Variants in EPHA6 observed in about 807,000 individuals in gnomAD.
The protein encoded by EPHA6 is EPH receptor A6, also known as ephrin type-A receptor 6.
In EPHA6, 50 loss-of-function variants were observed where a neutral mutation model predicts 112.0. That is an observed-to-expected ratio of 0.45 (90% confidence interval 0.36 to 0.56). EPHA6 has a LOEUF of 0.56. Among genes scored for constraint, EPHA6 ranks in the 20% least tolerant of loss-of-function variants. EPHA6 has a pLI of 0.00. For missense variants in EPHA6, 1,280 were observed against 1,417.4 expected (o/e 0.90, Z 1.56); for synonymous variants, 529 against 490.7 (o/e 1.08, Z -1.03).
chr3:97,336,636 T>C (rs2083068028), intron 5 of EPHA6, among the ~76,000 whole-genome samples: 1 of 152,178 alleles, frequency 6.6e-6, no homozygotes, highest in Non-Finnish European at 1.5e-5. Flanking sequence ...AGTTTACTGT[T>C]ATTTCTTCTA....
At chr3:96,907,734 A>G (rs944099347) in intron 2 of EPHA6, among the ~76,000 whole-genome samples, 1 of 151,910 alleles carries the variant, frequency 6.6e-6, no homozygotes, top group Non-Finnish European at 1.5e-5. Flanking sequence ...AATCATATAT[A>G]TATTTTGTGT....
intron 3 of EPHA6, among the ~76,000 whole-genome samples, chr3:97,186,995 T>C (rs1190958834): frequency 1.6e-4 from 24 of 152,142 alleles, no homozygotes; most frequent in Admixed American, 1.5e-3. Context: ...CTTAAAAAAA[T>C]TGTTATAGCA....
chr3:97,286,223 C>T (rs967465010), intron 5 of EPHA6, among the ~76,000 whole-genome samples: 2 of 152,132 alleles, frequency 1.3e-5, no homozygotes, highest in African/African-American at 4.8e-5. Flanking sequence ...CTTTGCTGTG[C>T]AGAAGCTTTT....
chr3:97,261,025 G>A (rs1027987964), intron 5 of EPHA6, among the ~76,000 whole-genome samples: 4 of 152,204 alleles, frequency 2.6e-5, no homozygotes, highest in African/African-American at 9.6e-5. Flanking sequence ...TAGGCAGGAA[G>A]TTAATTACTA....
At chr3:97,155,430 T>G (rs2076266933) in intron 3 of EPHA6, among the ~76,000 whole-genome samples, 1 of 152,202 alleles carries the variant, frequency 6.6e-6, no homozygotes, top group South Asian at 2.1e-4. Context: ...TGACAAATAA[T>G]GAATATTGCT....
chr3:96,941,342 A>G (rs988528780), intron 2 of EPHA6, among the ~76,000 whole-genome samples: 14 of 151,950 alleles, frequency 9.2e-5, no homozygotes, highest in African/African-American at 3.4e-4. Context: ...GCTTCATTTC[A>G]TTCATTTCAT....
intron 2 of EPHA6, among the ~76,000 whole-genome samples, chr3:96,954,847 G>T (rs9827582): frequency 0.019 from 2,424 of 124,694 alleles, 62 homozygotes; most frequent in East Asian, 0.056. Context: ...ACTGCGGACT[G>T]CAGTGGCGCA....
intron 14 of EPHA6, among the ~76,000 whole-genome samples, chr3:97,666,725 C>T (rs2030159340): frequency 6.6e-6 from 1 of 152,100 alleles, no homozygotes; most frequent in African/African-American, 2.4e-5. Flanking sequence ...TATTTGGAGG[C>T]ACTAAGAGTT....
chr3:97,331,764 A>G (rs1195767532), intron 5 of EPHA6, among the ~76,000 whole-genome samples: 1 of 152,158 alleles, frequency 6.6e-6, no homozygotes. Flanking sequence ...TAGCTTACCA[A>G]CCAAAAAAAG....
chr3:97,071,408 A>G (rs1355137951), intron 3 of EPHA6, among the ~76,000 whole-genome samples: 3 of 151,992 alleles, frequency 2.0e-5, no homozygotes, highest in Non-Finnish European at 4.4e-5. Context: ...AAGACATACC[A>G]TAGACTGGGA....
chr3:97,070,119 T>C (rs982815218), intron 3 of EPHA6, among the ~76,000 whole-genome samples: 16 of 152,258 alleles, frequency 1.1e-4, no homozygotes, highest in African/African-American at 3.8e-4. Flanking sequence ...TTCTCCTATT[T>C]GACTACTCAG....
At position 97,218,594 on chromosome 3, in the gene EPHA6, A is replaced by G. The variant is rs922130260; in HGVS notation, c.1115-7670A>G. On this transcript the variant is annotated intron_variant, in intron 3 of 17. Transcript: ENST00000389672. ...TCAGGGAAACCACCCCCATGATTCA[A>G]TTACCTCCACCTGGTCTCTCCCTTG... 2.0e-5 allele frequency among the ~76,000 whole-genome samples: 3 copies of G among 152,188 alleles called. No homozygotes were observed. The East Asian group carries it at 5.8e-4, about 29-fold the overall frequency.
At chr3:97,621,526 G>A (rs1474011863) in intron 13 of EPHA6, among the ~76,000 whole-genome samples, 1 of 151,826 alleles carries the variant, frequency 6.6e-6, no homozygotes, top group African/African-American at 2.4e-5. Context: ...GAACATCTGG[G>A]TCTTGGTAGC....
At chr3:97,036,507 C>T (rs1702038844) in intron 3 of EPHA6, among the ~76,000 whole-genome samples, 1 of 151,904 alleles carries the variant, frequency 6.6e-6, no homozygotes, top group Admixed American at 6.6e-5. Flanking sequence ...AATTTTCTTA[C>T]CTAGCTTAAA....
At chr3:97,531,649 A>G (rs1448552611) in intron 10 of EPHA6, among the ~76,000 whole-genome samples, 1 of 152,094 alleles carries the variant, frequency 6.6e-6, no homozygotes, top group East Asian at 1.9e-4. Context: ...GATTATAAGC[A>G]CCTGAGAACA....
chr3:97,067,698 GAATGAGGAACAAGAAT>G (rs1350445586), intron 3 of EPHA6, among the ~76,000 whole-genome samples: 4 of 151,994 alleles, frequency 2.6e-5, no homozygotes, highest in Non-Finnish European at 5.9e-5. Context: ...CAGAGGGGTA[GAATGAGGAACAAGAAT>G]AAGACACTGA....
chr3:97,128,800 C>T (rs1239427773), intron 3 of EPHA6, among the ~76,000 whole-genome samples: 1 of 151,758 alleles, frequency 6.6e-6, no homozygotes, highest in East Asian at 1.9e-4. Flanking sequence ...GATTACAGGC[C>T]ACTGCCGGTG....
At chr3:97,578,606 G>T (rs1412896633) in intron 11 of EPHA6, among the ~76,000 whole-genome samples, 1 of 152,200 alleles carries the variant, frequency 6.6e-6, no homozygotes, top group Non-Finnish European at 1.5e-5. Flanking sequence ...ATGACTAGAG[G>T]TATAGGACTT....
At position 97,584,237 on chromosome 3, in the gene EPHA6, C is replaced by T. The variant is rs139919777; in HGVS notation, c.2387-8375C>T. On this transcript the variant is annotated intron_variant, in intron 11 of 17. Coordinates refer to ENST00000389672, the MANE Select transcript of EPHA6 (RefSeq NM_001080448.3). Reference sequence around the variant, plus strand: ...AATATTACCTTGAGCTCCTACCATGCACAAGATCTGGGACTGAGCATGTCA... The same window carrying T: ...AATATTACCTTGAGCTCCTACCATGTACAAGATCTGGGACTGAGCATGTCA... 4.3e-3 allele frequency among the ~76,000 whole-genome samples: 650 copies of T among 152,262 alleles called. 3 individuals carry two copies. Among genetic ancestry groups the T allele is most frequent in the Middle Eastern group, 0.01 (3 of 294 alleles).
Sources: gnomAD v4.1 joint callset for allele counts (sites outside exome capture counted in the v4.1 genomes callset) on GRCh38, gnomAD v4.1.1 for gene constraint, MANE v1.5 for transcripts, NCBI Gene and HGNC (gene_info 2026-07-23, HGNC 2026-07-21) for gene names.